NEB: variants seen among roughly 807,000 people sequenced by gnomAD.
NEB encodes nemaline myopathy type 2.
Under a neutral mutation model 952.2 loss-of-function variants are expected in NEB, and 512 were observed. That is an observed-to-expected ratio of 0.54 (90% confidence interval 0.50 to 0.58). The LOEUF (loss-of-function observed/expected upper bound fraction) is 0.58, where lower values mean the gene tolerates loss of function less well. Among genes scored for constraint, NEB ranks in the 20% least tolerant of loss-of-function variants. NEB has a pLI of 0.00. For synonymous variants in NEB, 2,900 were observed against 3,149.8 expected (o/e 0.92, Z 2.66); for missense variants, 8,428 against 9,231.1 (o/e 0.91, Z 3.56).
At chr2:151,496,421 T>C in intron 172 of NEB, 53 bp from the exon 173 acceptor site, 1 of 1,550,094 alleles carries the variant, frequency 6.5e-7, no homozygotes, top group Non-Finnish European at 8.8e-7. Context: ...ATTTCATTTG[T>C]TGAGAGGTTT....
chr2:151,680,810 G>C lies in NEB; in HGVS notation c.2962C>G (p.Pro988Ala). 3 of 1,612,682 alleles carry C rather than the reference G, an allele frequency of 1.9e-6. No homozygotes were observed. Among genetic ancestry groups the C allele is most frequent in the Non-Finnish European group, 2.5e-6 (3 of 1,178,862 alleles). ...ILNEKKYRQHPDTLKFTSIED... is the reference protein window; with the variant it reads ...ILNEKKYRQHADTLKFTSIED... ...ATCGAGGTAAACTTGAGGGTGTCTG[G>C]ATGTTGGCGATATTTTTTCTGTTTG... The change falls in exon 30 of 182, where the codon CCA becomes GCA. Residue 988 changes from proline (P) to alanine (A), a missense_variant. Transcript: ENST00000397345.
At chr2:151,681,487 C>T (rs1320418869) in intron 29 of NEB, among the ~76,000 whole-genome samples, 2 of 152,176 alleles carry the variant, frequency 1.3e-5, no homozygotes, top group Non-Finnish European at 2.9e-5. Flanking sequence ...AGTCCTCTTC[C>T]TTTGTGCATG....
At chr2:151,681,696 G>A (rs1037627118) in intron 29 of NEB, among the ~76,000 whole-genome samples, 1 of 152,142 alleles carries the variant, frequency 6.6e-6, no homozygotes, top group Non-Finnish European at 1.5e-5. Flanking sequence ...TGCCCTCCTT[G>A]AGGATGTACT....
intron 38 of NEB, among the ~76,000 whole-genome samples, chr2:151,670,402 C>T (rs769988620): frequency 1.4e-5 from 2 of 146,676 alleles, no homozygotes; most frequent in Non-Finnish European, 2.9e-5. Flanking sequence ...TTGTAATTCG[C>T]TTCTGACAGA....
intron 142 of NEB, chr2:151,534,263 A>T (rs764929016): frequency 6.2e-7 from 1 of 1,613,794 alleles, no homozygotes; most frequent in African/African-American, 1.3e-5. Flanking sequence ...GTCTAGGCTC[A>T]TCGACTACCA....
chr2:151,570,873 G>A (rs2096604967), intron 107 of NEB, among the ~76,000 whole-genome samples: 1 of 152,056 alleles, frequency 6.6e-6, no homozygotes, highest in Admixed American at 6.6e-5. Context: ...TACATAGTAG[G>A]TATATACATA....
chr2:151,669,869 T>C (rs2099264712), intron 38 of NEB, among the ~76,000 whole-genome samples: 1 of 152,198 alleles, frequency 6.6e-6, no homozygotes, highest in South Asian at 2.1e-4. Context: ...GTTATTGCAG[T>C]TGTCCACACG....
intron 107 of NEB, among the ~76,000 whole-genome samples, chr2:151,574,478 C>A (rs2096760432): frequency 6.6e-6 from 1 of 152,084 alleles, no homozygotes; most frequent in African/African-American, 2.4e-5. Context: ...TTCATTTATT[C>A]TTTCTTAACT....
At chr2:151,530,889 T>G (rs1469655529) in intron 145 of NEB, 105 bp downstream of exon 145, 1 of 707,238 alleles carries the variant, frequency 1.4e-6, no homozygotes, top group African/African-American at 1.8e-5. Flanking sequence ...CCACTAAGTT[T>G]TAGGGTGGTT....
chr2:151,694,241 G>A, intron 20 of NEB, 82 bp downstream of exon 20: 2 of 1,164,278 alleles, frequency 1.7e-6, no homozygotes, highest in Non-Finnish European at 2.6e-6. Context: ...ATTTCAGTTA[G>A]GCTAACGTCC....
intron 48 of NEB, among the ~76,000 whole-genome samples, chr2:151,657,708 A>C (rs2099101145): frequency 6.6e-6 from 1 of 152,212 alleles, no homozygotes; most frequent in Non-Finnish European, 1.5e-5. Flanking sequence ...AGGGCTTTGA[A>C]TTTCTATAAG....
intron 8 of NEB, 49 bp from the exon 9 acceptor site, chr2:151,723,535 C>T (rs1322411282): frequency 7.7e-7 from 1 of 1,291,062 alleles, no homozygotes; most frequent in South Asian, 1.3e-5. Context: ...GTCACGTTTA[C>T]ACAAAATACA....
rs781474851 is a variant in NEB at position 151,507,057 on chromosome 2, T to A, written c.23452-44A>T. 31 of 1,188,650 alleles carry A rather than the reference T, an allele frequency of 2.6e-5. No homozygotes were observed. The South Asian group carries it at 3.0e-4, about 11-fold the overall frequency. The allele number at this position is 1,188,650 out of a possible 1,614,324, so 73.6% of individuals were successfully genotyped here. ...CATCTTGTTAAGATTTCAACATTGCTTTGTTTTCTTTATTTGTCCTATATT... is the reference window on the plus strand; with the variant it reads ...CATCTTGTTAAGATTTCAACATTGCATTGTTTTCTTTATTTGTCCTATATT... On this transcript the variant is annotated intron_variant, in intron 162 of 181. Coordinates refer to ENST00000397345, the MANE Select transcript of NEB (RefSeq NM_001164508.2).
chr2:151,725,173 C>T (rs1341197199), intron 6 of NEB, among the ~76,000 whole-genome samples: 4 of 152,244 alleles, frequency 2.6e-5, no homozygotes, highest in Non-Finnish European at 4.4e-5. Flanking sequence ...CAGCCTGCTG[C>T]TTCTTGGCCT....
At position 151,553,592 on chromosome 2, in the gene NEB, G is replaced by T. The variant is rs970870775; in HGVS notation, c.19627-90C>A. ...ACAGAGGTACATTCTAGACTCAGAA[G>T]GCTTTGTGGAATGAGGAGCAAAGGC... On this transcript the variant is annotated intron_variant, in intron 126 of 181. Transcript: ENST00000397345. 1.3e-5 allele frequency: 13 copies of T among 1,009,036 alleles called. No homozygotes were observed. The Admixed American group carries it at 3.1e-4, about 24-fold the overall frequency. 62.5% of individuals were successfully genotyped at this position (1,009,036 alleles called of 1,614,324 possible). A position where few individuals can be genotyped will look rare whatever the true frequency, so the allele number is the denominator to read the frequency against.
At chr2:151,666,485 G>A in intron 40 of NEB, 84 bp from the exon 41 acceptor site, 1 of 1,325,392 alleles carries the variant, frequency 7.5e-7, no homozygotes, top group South Asian at 1.5e-5. Flanking sequence ...TTAAGCAAAA[G>A]CCAACTTCAG....
Position 151,691,965 on chromosome 2 carries a change from T to A in NEB, c.2110A>T (p.Ser704Cys). 1 of 1,611,860 alleles carries A rather than the reference T, an allele frequency of 6.2e-7. No individual in the cohort carries two copies. Among genetic ancestry groups the A allele is most frequent in the Non-Finnish European group, 8.5e-7 (1 of 1,178,520 alleles). ...TCTTCTTCATATTCTGCTTTGTAAC[T>A]TTTCTATAATGAGAAAAACCAAAAA... is the stretch of plus-strand genomic sequence containing the variant. ...MKVAAQNSDKSYKAEYEEDKG... is the reference protein window; with the variant it reads ...MKVAAQNSDKCYKAEYEEDKG... The change falls in exon 23 of 182, where the codon AGT (serine) becomes TGT (cysteine). Residue 704 changes from serine to cysteine, a missense_variant. Around this residue, in one of 11 missense-constraint regions of NEB, gnomAD observed 2,851 missense variants for 2,791.5 expected, o/e 1.02. Coordinates refer to ENST00000397345, the MANE Select transcript of NEB (RefSeq NM_001164508.2).
Position 151,485,917 on chromosome 2 carries a change from A to G in NEB, c.25421T>C (p.Met8474Thr), listed in dbSNP as rs374412508. 10 of 1,613,890 alleles carry G rather than the reference A, an allele frequency of 6.2e-6. No individual in the cohort carries two copies. The highest frequency in any genetic ancestry group is 2.7e-5 in the African/African-American group (2 of 75,064). Residue 8474 changes from methionine to threonine, a missense_variant, in exon 182 of 182, where the codon ATG (methionine) becomes ACG (threonine). Met to Thr is a moderately conservative substitution (Grantham distance 81, BLOSUM62 -1). Coordinates refer to ENST00000397345, the MANE Select transcript of NEB (RefSeq NM_001164508.2). ...PSTAGKIFRA[M>T]YDYMAADADE... ...TGCATCAGCAGCCATATAGTCATAC[A>G]TGGCACGGAAGATTTTCTATTCGTG...
intron 165 of NEB, among the ~76,000 whole-genome samples, chr2:151,505,193 T>G (rs1008069955): frequency 2.0e-5 from 3 of 152,210 alleles, no homozygotes; most frequent in African/African-American, 7.2e-5. Flanking sequence ...CATTTTACTT[T>G]GGAAACGAAT....
Sources: gnomAD v4.1 joint callset for allele counts (sites outside exome capture counted in the v4.1 genomes callset) on GRCh38, gnomAD v4.1.1 for gene constraint, gnomAD v4.1.1 regional missense constraint, MANE v1.5 for transcripts, NCBI Gene and HGNC (gene_info 2026-07-23, HGNC 2026-07-21) for gene names.